MS4A5: variants seen among roughly 807,000 people sequenced by gnomAD.
The protein encoded by MS4A5 is membrane spanning 4-domains A5.
A neutral mutation model predicts 18.2 loss-of-function variants in MS4A5; 15 were observed. That is an observed-to-expected ratio of 0.83 (90% CI 0.55 to 1.27). The LOEUF (loss-of-function observed/expected upper bound fraction) is 1.27. MS4A5 is among the 50% of genes most tolerant of loss of function. The probability of loss-of-function intolerance (pLI) is 0.00; values close to 1 mark genes in which losing one functional copy is unlikely to be tolerated. For missense variants in MS4A5, 232 were observed against 225.7 expected, an observed-to-expected ratio of 1.03 and a Z score of -0.18; for synonymous variants, 89 against 78.7, an observed-to-expected ratio of 1.13 and a Z score of -0.69.
chr11:60,430,993 A>C (rs967268556), intron 2 of MS4A5, 69 bp downstream of exon 2: 3 of 1,538,480 alleles, frequency 1.9e-6, no homozygotes, highest in Admixed American at 2.0e-5. Context: ...CTTCACAATG[A>C]AATAAGCTAG....
Position 60,447,535 on chromosome 11 carries a change from G to A in MS4A5, c.493-114G>A, listed in dbSNP as rs1015008199. ...ATTCCTAAGCATCAGATACACTTGA[G>A]ATATTTGGGGAAGCTTTTATTATCT... On this transcript the variant is annotated intron_variant, in intron 4 of 4. Transcript: ENST00000300190. 47 of 618,126 alleles carry A rather than the reference G, an allele frequency of 7.6e-5. No individual in the cohort carries two copies. The African/African-American group carries it at 7.9e-4, about 10-fold the overall frequency. 38.3% of individuals were successfully genotyped at this position (618,126 alleles called of 1,614,324 possible).
intron 4 of MS4A5, among the ~76,000 whole-genome samples, chr11:60,437,865 G>A (rs967041051): frequency 6.6e-6 from 1 of 150,430 alleles, no homozygotes; most frequent in Admixed American, 6.6e-5. Flanking sequence ...ACAGATCAAC[G>A]AGACAGAAAG....
intron 4 of MS4A5, among the ~76,000 whole-genome samples, chr11:60,435,034 G>C (rs187757597): frequency 6.6e-6 from 1 of 152,310 alleles, no homozygotes; most frequent in East Asian, 1.9e-4. Flanking sequence ...GAGAAGTGTG[G>C]CCACAAGCCA....
rs2086083227 is a variant in MS4A5, at chr11:60,436,834, T to C, written c.492+2917T>C. Among the ~76,000 whole-genome samples, 5 of 135,754 alleles carry C rather than the reference T, an allele frequency of 3.7e-5. No individual in the cohort carries two copies. The Admixed American group carries it at 4.1e-4, about 11-fold the overall frequency. The allele number at this position is 135,754 out of a possible 152,430, so 89.1% of individuals were successfully genotyped here. A position where few individuals can be genotyped will look rare whatever the true frequency, so the allele number is the denominator to read the frequency against. On this transcript the variant is annotated intron_variant, in intron 4 of 4. Coordinates refer to ENST00000300190, the MANE Select transcript of MS4A5 (RefSeq NM_023945.3). ...AAGTGATGGGGAGAATGGAACCAAG[T>C]TGGAAAACACTCTGCAGGATATTAT...
At chr11:60,442,714 G>A (rs964182360) in intron 4 of MS4A5, among the ~76,000 whole-genome samples, 1 of 152,156 alleles carries the variant, frequency 6.6e-6, no homozygotes. Flanking sequence ...CTGTACAACA[G>A]ATCTCTTGAA....
At position 60,433,754 on chromosome 11, in the gene MS4A5, T is replaced by C. The variant is rs772198815; in HGVS notation, c.340-11T>C. 4.3e-6 allele frequency: 7 copies of C among 1,612,818 alleles called. No homozygotes were observed. Among genetic ancestry groups the C allele is most frequent in the Non-Finnish European group, 5.9e-6 (7 of 1,178,982 alleles). ...CCTCAGTCACATTGTTATGTTCTTA[T>C]TCTATTTCAGATAATATTGAGCCGA... On this transcript the variant is annotated splice_polypyrimidine_tract_variant and intron_variant, in intron 3 of 4. Transcript: ENST00000300190.
intron 4 of MS4A5, among the ~76,000 whole-genome samples, chr11:60,447,144 G>GCTATGCTATC (rs200022368): frequency 6.8e-6 from 1 of 147,026 alleles, no homozygotes; most frequent in Non-Finnish European, 1.5e-5. Context: ...GCTATGCTAT[G>GCTATGCTATC]CTATGCTATC....
chr11:60,433,710 G>A, intron 3 of MS4A5, 55 bp from the exon 4 acceptor site: 32 of 1,555,850 alleles, frequency 2.1e-5, no homozygotes, highest in Non-Finnish European at 2.8e-5. Context: ...TCATTGCTTT[G>A]TTTGTAGTAC....
chr11:60,440,573 T>C (rs1287636437), intron 4 of MS4A5, among the ~76,000 whole-genome samples: 1 of 144,556 alleles, frequency 6.9e-6, no homozygotes, highest in Non-Finnish European at 1.5e-5. Context: ...CTCAAACAAA[T>C]TTACAAGAAA....
intron 4 of MS4A5, among the ~76,000 whole-genome samples, chr11:60,445,487 T>C (rs2086133964): frequency 6.6e-6 from 1 of 152,168 alleles, no homozygotes; most frequent in African/African-American, 2.4e-5. Context: ...CTCAAACTCC[T>C]GAGCTCAGGC....
intron 4 of MS4A5, among the ~76,000 whole-genome samples, chr11:60,436,041 C>T (rs1039255030): frequency 4.7e-4 from 72 of 152,170 alleles, no homozygotes; most frequent in Non-Finnish European, 9.0e-4. Flanking sequence ...TGTCTGACAG[C>T]TTTGAAGAGA....
At chr11:60,435,947 G>C (rs2086077849) in intron 4 of MS4A5, among the ~76,000 whole-genome samples, 1 of 152,256 alleles carries the variant, frequency 6.6e-6, no homozygotes, top group African/African-American at 2.4e-5. Context: ...AAGGAGGCCT[G>C]CCTGCCTCTG....
chr11:60,433,651 C>A, intron 3 of MS4A5, 114 bp from the exon 4 acceptor site: 1 of 972,778 alleles, frequency 1.0e-6, no homozygotes, highest in Non-Finnish European at 1.6e-6. Context: ...AGAGCTGCCT[C>A]GTGGCATTAA....
chr11:60,430,101 T>C, intron 1 of MS4A5, among the ~76,000 whole-genome samples: 1 of 152,170 alleles, frequency 6.6e-6, no homozygotes, highest in Non-Finnish European at 1.5e-5. Context: ...ACTGAGAAGG[T>C]GGACTGAGAA....
At chr11:60,431,626 G>T (rs1032490169) in intron 2 of MS4A5, among the ~76,000 whole-genome samples, 2 of 152,118 alleles carry the variant, frequency 1.3e-5, no homozygotes, top group Admixed American at 6.5e-5. Flanking sequence ...AAACAGAGGG[G>T]ACAACGCCCA....
chr11:60,445,927 T>C (rs2135181287), intron 4 of MS4A5, among the ~76,000 whole-genome samples: 1 of 152,330 alleles, frequency 6.6e-6, no homozygotes, highest in South Asian at 2.1e-4. Context: ...GTGTGCAATG[T>C]CACTGCCATT....
chr11:60,447,120 C>T (rs1321521024), intron 4 of MS4A5, among the ~76,000 whole-genome samples: 1 of 144,558 alleles, frequency 6.9e-6, no homozygotes, highest in Non-Finnish European at 1.5e-5. Context: ...CTATCCTATG[C>T]TATCCTATGC....
chr11:60,439,178 T>C (rs11560967), intron 4 of MS4A5, among the ~76,000 whole-genome samples: 4,182 of 126,248 alleles, frequency 0.033, 155 homozygotes, highest in East Asian at 0.24. Context: ...AAAAACCACA[T>C]GATTATCTCA....
intron 4 of MS4A5, among the ~76,000 whole-genome samples, chr11:60,436,281 C>G (rs2086080189): frequency 6.8e-6 from 1 of 147,342 alleles, no homozygotes; most frequent in Admixed American, 6.9e-5. Context: ...CTGTACATCA[C>G]CATCATCAAA....
Sources: gnomAD v4.1 joint callset for allele counts (sites outside exome capture counted in the v4.1 genomes callset) on GRCh38, gnomAD v4.1.1 for gene constraint, MANE v1.5 for transcripts, NCBI Gene and HGNC (gene_info 2026-07-23, HGNC 2026-07-21) for gene names.